Variants in FAM217B observed in about 807,000 individuals in gnomAD.
The protein encoded by FAM217B is family with sequence similarity 217 member B, also known as protein FAM217B.
For missense variants in FAM217B, 463 were observed against 456.9 expected (o/e 1.01, Z -0.12); for synonymous variants, 163 against 173.0 (o/e 0.94, Z 0.45).
At chr20:59,934,415 C>T (rs1042094501) in intron 1 of FAM217B, among the ~76,000 whole-genome samples, 17 of 152,186 alleles carry the variant, frequency 1.1e-4, no homozygotes, top group African/African-American at 3.4e-4. Flanking sequence ...TCGCAGAGGG[C>T]GTCGGTGTTC....
Position 59,945,315 on chromosome 20 carries a change from G to T in FAM217B, c.*220G>T. Reference sequence around the variant, plus strand: ...TTTGTATTGTCAGTCTTAGGCAAATGAGAGCCCTTTAGATAAAAATTATGT... The same window carrying T: ...TTTGTATTGTCAGTCTTAGGCAAATTAGAGCCCTTTAGATAAAAATTATGT... On this transcript the variant is annotated 3_prime_UTR_variant, in exon 4 of 4. Coordinates refer to ENST00000360816, the MANE Select transcript of FAM217B (RefSeq NM_022106.3). The T allele has an allele frequency of 2.2e-6, 1 of 455,994 alleles. No homozygotes were observed. Among genetic ancestry groups the T allele is most frequent in the South Asian group, 3.3e-5 (1 of 30,042 alleles). The allele number at this position is 455,994 out of a possible 1,614,324, so 28.2% of individuals were successfully genotyped here.
At position 59,944,936 on chromosome 20, in the gene FAM217B, G is replaced by T. The variant is rs759552250; in HGVS notation, c.993G>T (p.Val331=). 10 of 1,614,088 alleles carry T rather than the reference G, an allele frequency of 6.2e-6. No homozygotes were observed. The East Asian group carries it at 2.2e-4, about 36-fold the overall frequency. ...GHIRVPKQAA[V]ILDSADSCKA... ...TTCGAGTTCCCAAACAGGCAGCTGTGATTCTGGACTCAGCAGATTCCTGTA... is the reference window on the plus strand; with the variant it reads ...TTCGAGTTCCCAAACAGGCAGCTGTTATTCTGGACTCAGCAGATTCCTGTA... Residue 331 remains valine, a synonymous_variant, in exon 4 of 4, where the codon GTG becomes GTT. Coordinates refer to ENST00000360816, the MANE Select transcript of FAM217B (RefSeq NM_022106.3).
chr20:59,942,197 G>C lies in FAM217B; in HGVS notation c.-202-1G>C, dbSNP rs1757014011. The C allele has an allele frequency of 6.6e-6, 1 of 152,608 alleles. No individual in the cohort carries two copies. The highest frequency in any genetic ancestry group is 2.1e-4 in the South Asian group (1 of 4,820). The allele number at this position is 152,608 out of a possible 1,614,324, so 9.5% of individuals were successfully genotyped here. A position where few individuals can be genotyped will look rare whatever the true frequency, so the allele number is the denominator to read the frequency against. ...TACTGACAGTATTCTGTTGCTTCTA[G>C]TTCCGGTGGTGAGGAGACCTTTCCA... On this transcript the variant is annotated splice_acceptor_variant, in intron 1 of 3. Transcript: ENST00000360816. LOFTEE classifies it low-confidence loss of function (5UTR_SPLICE).
At chr20:59,943,823 C>A in intron 3 of FAM217B, 117 bp from the exon 4 acceptor site, 1 of 780,804 alleles carries the variant, frequency 1.3e-6, no homozygotes, top group Non-Finnish European at 2.0e-6. Context: ...TTTTCTAATG[C>A]CTACTAATAG....
upstream of FAM217B, chr20:59,938,445 G>A (rs6100660): frequency 6.6e-6 from 1 of 152,326 alleles, no homozygotes; most frequent in Non-Finnish European, 1.5e-5. Context: ...ACTGTTAGAA[G>A]GCTACAGCCG....
intron 1 of FAM217B, chr20:59,934,003 G>C (rs1046603575): frequency 6.6e-6 from 1 of 152,316 alleles, no homozygotes; most frequent in African/African-American, 2.4e-5. Context: ...GAGCAGGAAG[G>C]GATGGAAGGG....
chr20:59,934,751 C>T (rs2060847720), intron 1 of FAM217B, among the ~76,000 whole-genome samples: 1 of 151,942 alleles, frequency 6.6e-6, no homozygotes, highest in South Asian at 2.1e-4. Flanking sequence ...ATCTAAAAGG[C>T]ACTAATTGTT....
rs1358826025 is a variant in FAM217B at position 59,942,199 on chromosome 20, TC to T, written c.-199del. Reference sequence around the variant, plus strand: ...CTGACAGTATTCTGTTGCTTCTAGTTCCGGTGGTGAGGAGACCTTTCCAAAT... The same window carrying T: ...CTGACAGTATTCTGTTGCTTCTAGTTCGGTGGTGAGGAGACCTTTCCAAAT... On this transcript the variant is annotated splice_region_variant and 5_prime_UTR_variant, in exon 2 of 4. Transcript: ENST00000360816. The T allele has an allele frequency of 1.4e-4, 21 of 152,638 alleles. No homozygotes were observed. Among genetic ancestry groups the T allele is most frequent in the Admixed American group, 1.4e-3 (21 of 15,278 alleles). The allele number at this position is 152,638 out of a possible 1,614,324, so 9.5% of individuals were successfully genotyped here.
At chr20:59,939,627 C>T (rs373263350), upstream of FAM217B, 6 of 1,584,282 alleles carry the variant, frequency 3.8e-6, no homozygotes, top group East Asian at 4.7e-5. Flanking sequence ...GAAGCGCACG[C>T]GGAGCTTCTG....
Position 59,943,996 on chromosome 20 carries a change from GA to G in FAM217B, c.58del (p.Arg20GlyfsTer63). 1.2e-6 allele frequency: 2 copies of G among 1,612,744 alleles called. No individual in the cohort carries two copies. Among genetic ancestry groups the G allele is most frequent in the Admixed American group, 1.7e-5 (1 of 59,632 alleles). The part of the protein sequence containing the change: ...NKVQHSKNSS[G>X]KRQSKSQVPH... Reference sequence around the variant, plus strand: ...GTGCAACATTCAAAGAATTCTTCAGGAAAAAGGCAGAGTAAATCCCAAGTAC... The same window carrying G: ...GTGCAACATTCAAAGAATTCTTCAGGAAAAGGCAGAGTAAATCCCAAGTAC... On this transcript the variant is annotated frameshift_variant, in exon 4 of 4. Coordinates refer to ENST00000360816, the MANE Select transcript of FAM217B (RefSeq NM_022106.3). LOFTEE classifies it low-confidence loss of function (END_TRUNC).
Position 59,948,104 on chromosome 20 carries a change from A to G in FAM217B, c.*3009A>G, listed in dbSNP as rs2145956129. On this transcript the variant is annotated 3_prime_UTR_variant, in exon 4 of 4. Transcript: ENST00000360816. ...AGGCTTAGAATTATCTAATGGAAAA[A>G]ATGTAAAAAAGTACAAAAATGAACT... 1 of 165,882 alleles carries G rather than the reference A, an allele frequency of 6.0e-6. No individual in the cohort carries two copies. The highest frequency in any genetic ancestry group is 1.9e-4 in the East Asian group (1 of 5,198). 10.3% of individuals were successfully genotyped at this position (165,882 alleles called of 1,614,324 possible).
In FAM217B at chr20:59,943,991, T is replaced by C. The variant is rs2060920250; in HGVS notation, c.48T>C (p.Ser16=). Residue 16 remains serine (S), a synonymous_variant, in exon 4 of 4, where the codon TCT becomes TCC. Coordinates refer to ENST00000360816, the MANE Select transcript of FAM217B (RefSeq NM_022106.3). The stretch of plus-strand genomic sequence containing the variant: ...ATAAAGTGCAACATTCAAAGAATTC[T>C]TCAGGAAAAAGGCAGAGTAAATCCC... ...SWNKVQHSKN[S]SGKRQSKSQV... 3.1e-6 allele frequency: 5 copies of C among 1,611,124 alleles called. No individual in the cohort carries two copies. Among genetic ancestry groups the C allele is most frequent in the Non-Finnish European group, 2.5e-6 (3 of 1,179,218 alleles).
chr20:59,943,978 A>T lies in FAM217B; in HGVS notation c.35A>T (p.His12Leu). 6.2e-7 allele frequency: 1 copy of T among 1,609,372 alleles called. No individual in the cohort carries two copies. The change falls in exon 4 of 4, where the codon CAT (histidine) becomes CTT (leucine). Residue 12 changes from histidine (H) to leucine (L), a missense_variant. Transcript: ENST00000360816. ...NAGPSWNKVQ[H>L]SKNSSGKRQS... ...GGCCCATCTTGGAATAAAGTGCAAC[A>T]TTCAAAGAATTCTTCAGGAAAAAGG...
At chr20:59,943,852 C>A in intron 3 of FAM217B, 88 bp from the exon 4 acceptor site, 1 of 1,141,562 alleles carries the variant, frequency 8.8e-7, no homozygotes, top group Non-Finnish European at 1.2e-6. Context: ...AAAAAAAGTA[C>A]AACTAGAAGA....
At position 59,944,624 on chromosome 20, in the gene FAM217B, T is replaced by G. The variant is rs766753556; in HGVS notation, c.681T>G (p.Ile227Met). ...AAAGCCCTGGGAGAAGTAAGCTAAT[T>G]GCTAGTGCTCTGTCCAAGCCACTAC... ...ALKSPGRSKLIASALSKPLPH... is the reference protein window; with the variant it reads ...ALKSPGRSKLMASALSKPLPH... The change falls in exon 4 of 4, where the codon ATT (isoleucine) becomes ATG (methionine). Residue 227 changes from isoleucine to methionine, a missense_variant. Coordinates refer to ENST00000360816, the MANE Select transcript of FAM217B (RefSeq NM_022106.3). 6.2e-7 allele frequency: 1 copy of G among 1,614,050 alleles called. No individual in the cohort carries two copies. Among genetic ancestry groups the G allele is most frequent in the South Asian group, 1.1e-5 (1 of 91,074 alleles).
chr20:59,939,042 T>C (rs371403831), upstream of FAM217B: 11 of 1,528,948 alleles, frequency 7.2e-6, no homozygotes, highest in East Asian at 1.6e-4. Context: ...TCAGATGAAG[T>C]GGATCCAGCT....
At chr20:59,935,984 A>T (rs994001945), upstream of FAM217B, among the ~76,000 whole-genome samples, 4 of 152,192 alleles carry the variant, frequency 2.6e-5, no homozygotes, top group African/African-American at 9.7e-5. Flanking sequence ...GTTCTGAGAA[A>T]GGTGTCCTCC....
chr20:59,948,097 T>G lies in FAM217B; in HGVS notation c.*3002T>G, dbSNP rs1442978320. ...ATATTTTAGGCTTAGAATTATCTAATGGAAAAAATGTAAAAAAGTACAAAA... is the reference window on the plus strand; with the variant it reads ...ATATTTTAGGCTTAGAATTATCTAAGGGAAAAAATGTAAAAAAGTACAAAA... On this transcript the variant is annotated 3_prime_UTR_variant, in exon 4 of 4. Transcript: ENST00000360816. 1 of 162,214 alleles carries G rather than the reference T, an allele frequency of 6.2e-6. No individual in the cohort carries two copies. The highest frequency in any genetic ancestry group is 2.5e-5 in the African/African-American group (1 of 40,650). The allele number at this position is 162,214 out of a possible 1,614,324, so 10.0% of individuals were successfully genotyped here. A position where few individuals can be genotyped will look rare whatever the true frequency, so the allele number is the denominator to read the frequency against.
rs766932021 is a variant in FAM217B, at chr20:59,944,312, T to C, written c.369T>C (p.Asp123=). The change falls in exon 4 of 4, where the codon GAT becomes GAC. Residue 123 remains aspartate, a synonymous_variant. Coordinates refer to ENST00000360816, the MANE Select transcript of FAM217B (RefSeq NM_022106.3). ...PDLNLRAEEI[D]PVYFDLHPGQ... is the part of the protein sequence containing the mutation. ...TCAATCTTCGAGCTGAAGAAATTGA[T>C]CCAGTTTACTTTGATCTTCACCCTG... 6.2e-7 allele frequency: 1 copy of C among 1,614,136 alleles called. No individual in the cohort carries two copies. Among genetic ancestry groups the C allele is most frequent in the Non-Finnish European group, 8.5e-7 (1 of 1,180,030 alleles).
Sources: gnomAD v4.1 joint callset for allele counts (sites outside exome capture counted in the v4.1 genomes callset) on GRCh38, gnomAD v4.1.1 for gene constraint, MANE v1.5 for transcripts, NCBI Gene and HGNC (gene_info 2026-07-23, HGNC 2026-07-21) for gene names.